MYO9A: variants seen among roughly 807,000 people sequenced by gnomAD.
MYO9A encodes the protein unconventional myosin-IXa.
A neutral mutation model predicts 293.3 loss-of-function variants in MYO9A; 103 were observed. That is an observed-to-expected ratio of 0.35 (90% CI 0.30 to 0.41). The LOEUF (loss-of-function observed/expected upper bound fraction) is 0.41, where lower values mean the gene tolerates loss of function less well. Ranked by LOEUF, MYO9A falls within the 10% of genes least tolerant of loss-of-function variation. The probability of loss-of-function intolerance (pLI) is 1.00; values close to 1 mark genes in which losing one functional copy is unlikely to be tolerated. For synonymous variants in MYO9A, 1,001 were observed against 1,035.7 expected, an observed-to-expected ratio of 0.97 and a Z score of 0.64; for missense variants, 2,685 against 3,033.0, an observed-to-expected ratio of 0.89 and a Z score of 2.69.
Position 71,862,929 on chromosome 15 carries a change from CT to C in MYO9A, c.5980-319del, listed in dbSNP as rs71131712. ...GTATGTTTTCTTTTTCTTTTTTTGG[CT>C]TTTTTTTTTTTTTTTGAGACTTAGT... On this transcript the variant is annotated intron_variant, in intron 32 of 41. Transcript: ENST00000356056. Among the ~76,000 whole-genome samples the C allele has an allele frequency of 0.32, 41,110 of 129,896 alleles. 6,070 individuals carry two copies. Among genetic ancestry groups the C allele is most frequent in the East Asian group, 0.58 (2,577 of 4,434 alleles). The allele number at this position is 129,896 out of a possible 152,430, so 85.2% of individuals were successfully genotyped here.
At chr15:71,952,865 C>T (rs2059084249) in intron 14 of MYO9A, among the ~76,000 whole-genome samples, 2 of 152,118 alleles carry the variant, frequency 1.3e-5, no homozygotes, top group Admixed American at 1.3e-4. Flanking sequence ...ATAGCAGAAT[C>T]ATTTTAAAAG....
chr15:72,071,157 C>G (rs538321738), intron 1 of MYO9A, among the ~76,000 whole-genome samples: 7 of 152,178 alleles, frequency 4.6e-5, no homozygotes, highest in Admixed American at 3.9e-4. Flanking sequence ...ATGCATCTGA[C>G]AAGAGACTAG....
intron 1 of MYO9A, among the ~76,000 whole-genome samples, chr15:72,055,595 C>G (rs2078695993): frequency 6.6e-6 from 1 of 151,990 alleles, no homozygotes; most frequent in African/African-American, 2.4e-5. Flanking sequence ...CCAGAATCTA[C>G]AAGGAACTCA....
At chr15:71,881,291 G>A (rs1363867621) in intron 28 of MYO9A, among the ~76,000 whole-genome samples, 2 of 151,954 alleles carry the variant, frequency 1.3e-5, no homozygotes, top group African/African-American at 4.8e-5. Context: ...TCTGGAGCTC[G>A]ATGAAAATGT....
intron 23 of MYO9A, 30 bp downstream of exon 23, chr15:71,901,161 A>C (rs372776039): frequency 1.6e-5 from 25 of 1,593,600 alleles, no homozygotes; most frequent in Non-Finnish European, 2.1e-5. Flanking sequence ...AAACTAGTCA[A>C]TCTCATGCAA....
intron 2 of MYO9A, among the ~76,000 whole-genome samples, chr15:72,039,320 C>T (rs995344371): frequency 6.6e-6 from 1 of 151,918 alleles, no homozygotes; most frequent in Admixed American, 6.6e-5. Context: ...TTTGAAGTTC[C>T]GTTTGTACTT....
chr15:71,977,542 C>T (rs530490399), intron 12 of MYO9A, among the ~76,000 whole-genome samples: 5 of 152,100 alleles, frequency 3.3e-5, no homozygotes, highest in East Asian at 3.9e-4. Context: ...TGGCCTATCA[C>T]GATATTCTTT....
At chr15:72,047,846 T>A (rs1165620952) in intron 1 of MYO9A, among the ~76,000 whole-genome samples, 1 of 135,802 alleles carries the variant, frequency 7.4e-6, no homozygotes, top group Non-Finnish European at 1.5e-5. Flanking sequence ...GGCATGATCT[T>A]GGCTCACTGC....
intron 1 of MYO9A, among the ~76,000 whole-genome samples, chr15:72,111,122 G>A (rs543258652): frequency 6.7e-6 from 1 of 149,480 alleles, no homozygotes; most frequent in East Asian, 2.0e-4. Flanking sequence ...TTGCACCCCT[G>A]CACTCCAGCC....
intron 8 of MYO9A, among the ~76,000 whole-genome samples, chr15:72,004,974 T>C (rs993797457): frequency 1.3e-5 from 2 of 152,184 alleles, no homozygotes; most frequent in South Asian, 4.1e-4. Flanking sequence ...AATAATCCAG[T>C]CAATGTGCTT....
intron 6 of MYO9A, among the ~76,000 whole-genome samples, chr15:72,016,586 G>A (rs1023825027): frequency 6.6e-6 from 1 of 152,108 alleles, no homozygotes; most frequent in Admixed American, 6.6e-5. Flanking sequence ...ATAACTCACA[G>A]GGAAACAAAG....
chr15:71,847,334 TAGAC>T (rs780766826), intron 39 of MYO9A: 13 of 397,126 alleles, frequency 3.3e-5, no homozygotes, highest in Admixed American at 1.2e-4. Flanking sequence ...GCATGAATGA[TAGAC>T]AGGGCGGAAC....
chr15:71,893,525 A>T, intron 26 of MYO9A, 154 bp downstream of exon 26: 1 of 666,272 alleles, frequency 1.5e-6, no homozygotes, highest in Non-Finnish European at 2.5e-6. Context: ...GTACACCTTC[A>T]TAATTATAAC....
At chr15:71,981,374 T>G (rs1285988437) in intron 11 of MYO9A, among the ~76,000 whole-genome samples, 1 of 152,228 alleles carries the variant, frequency 6.6e-6, no homozygotes, top group African/African-American at 2.4e-5. Flanking sequence ...TCTTTCCATG[T>G]TGGTATAATT....
At chr15:71,944,410 C>G (rs1310034483) in intron 15 of MYO9A, among the ~76,000 whole-genome samples, 3 of 152,026 alleles carry the variant, frequency 2.0e-5, no homozygotes, top group African/African-American at 7.2e-5. Context: ...ATCTAAGAAA[C>G]TTTTGCCTGT....
rs542754957 is a variant in MYO9A, at chr15:71,925,256, CACATATAT to C, written c.2562+8406_2562+8413del. On this transcript the variant is annotated intron_variant, in intron 18 of 41. Coordinates refer to ENST00000356056, the MANE Select transcript of MYO9A (RefSeq NM_006901.4). Reference sequence around the variant, plus strand: ...ACACATATATATACATATACGTATACACATATATACATATATACATATACGTATACACG... The same window carrying C: ...ACACATATATATACATATACGTATACACATATATACATATACGTATACACG... Among the ~76,000 whole-genome samples the C allele has an allele frequency of 3.8e-3, 564 of 147,978 alleles. 3 individuals are homozygous for C. The highest frequency in any genetic ancestry group is 5.9e-3 in the African/African-American group (234 of 39,652).
chr15:71,852,018 C>G (rs1427531234), intron 36 of MYO9A, 114 bp downstream of exon 36: 9 of 1,226,736 alleles, frequency 7.3e-6, no homozygotes, highest in Non-Finnish European at 9.8e-6. Context: ...CAAAAGCTTA[C>G]CTTTGAATCT....
intron 32 of MYO9A, among the ~76,000 whole-genome samples, chr15:71,869,950 A>G (rs1456374335): frequency 2.6e-5 from 4 of 152,218 alleles, no homozygotes; most frequent in African/African-American, 4.8e-5. Context: ...TCTTCCTTAA[A>G]TACAGATTTC....
intron 1 of MYO9A, among the ~76,000 whole-genome samples, chr15:72,052,238 G>A (rs1476621812): frequency 6.6e-6 from 1 of 152,084 alleles, no homozygotes; most frequent in African/African-American, 2.4e-5. Flanking sequence ...CTGCAGTGAG[G>A]AGCTACCCAC....
Sources: gnomAD v4.1 joint callset for allele counts (sites outside exome capture counted in the v4.1 genomes callset) on GRCh38, gnomAD v4.1.1 for gene constraint, MANE v1.5 for transcripts, NCBI Gene and HGNC (gene_info 2026-07-23, HGNC 2026-07-21) for gene names.